SLCO3A1: variants seen among roughly 807,000 people sequenced by gnomAD.
The protein encoded by SLCO3A1 is PGE1 transporter.
In SLCO3A1, 27 loss-of-function variants were observed where a neutral mutation model predicts 63.1. The ratio of observed to expected loss-of-function variants is 0.43; its 90% CI spans 0.32 to 0.59. The LOEUF (loss-of-function observed/expected upper bound fraction) is 0.59. Among genes scored for constraint, SLCO3A1 ranks in the 20% least tolerant of loss-of-function variants. The pLI, the probability that SLCO3A1 is intolerant of heterozygous loss-of-function variation, is 0.09. For synonymous variants in SLCO3A1, 473 were observed against 409.9 expected, an observed-to-expected ratio of 1.15 and a Z score of -1.86; for missense variants, 773 against 945.8, an observed-to-expected ratio of 0.82 and a Z score of 2.40.
intron 1 of SLCO3A1, 105 bp from the exon 2 acceptor site, chr15:91,915,888 G>A (rs1898637492): frequency 1.1e-6 from 1 of 945,326 alleles, no homozygotes; most frequent in African/African-American, 1.7e-5. Flanking sequence ...AGGCCAGGTG[G>A]GAGGGTCCCG....
At chr15:92,103,913 G>A (rs62008635) in intron 3 of SLCO3A1, among the ~76,000 whole-genome samples, 42 of 152,064 alleles carry the variant, frequency 2.8e-4, no homozygotes, top group Admixed American at 2.6e-3. Flanking sequence ...GAATATACCC[G>A]GTGAAAATCT....
intron 2 of SLCO3A1, among the ~76,000 whole-genome samples, chr15:92,000,762 T>C (rs897937169): frequency 6.6e-6 from 1 of 152,254 alleles, no homozygotes; most frequent in East Asian, 1.9e-4. Context: ...GAGAACGTTC[T>C]CTTTAGGTCT....
intron 2 of SLCO3A1, among the ~76,000 whole-genome samples, chr15:92,053,913 C>T (rs896423065): frequency 1.3e-5 from 2 of 152,184 alleles, no homozygotes; most frequent in Non-Finnish European, 2.9e-5. Context: ...CAGGAAGTCA[C>T]GGTGTGCAGC....
At chr15:92,020,645 C>T in intron 2 of SLCO3A1, among the ~76,000 whole-genome samples, 1 of 152,212 alleles carries the variant, frequency 6.6e-6, no homozygotes, top group East Asian at 1.9e-4. Flanking sequence ...TGGCACCGTG[C>T]ATGCACCACC....
intron 2 of SLCO3A1, among the ~76,000 whole-genome samples, chr15:91,955,332 T>A (rs1900134569): frequency 6.9e-6 from 1 of 145,680 alleles, no homozygotes; most frequent in Non-Finnish European, 1.5e-5. Flanking sequence ...TGTCATTTTC[T>A]TTTTCTTTTT....
rs764080011 is a variant in SLCO3A1 at position 91,894,432 on chromosome 15, G to A, written c.181-21561G>A. 8.5e-5 allele frequency among the ~76,000 whole-genome samples: 13 copies of A among 152,126 alleles called. No individual in the cohort carries two copies. The highest frequency in any genetic ancestry group is 2.0e-4 in the Admixed American group (3 of 15,282). ...CATGGCAGGTGTGGTGGTATCTCAG[G>A]TGAGGGGTTGATGGTCGCCAGGTCA... On this transcript the variant is annotated intron_variant, in intron 1 of 9. Coordinates refer to ENST00000318445, the MANE Select transcript of SLCO3A1 (RefSeq NM_013272.4). The surrounding 1 kb of genome is among the most constrained non-coding windows in gnomAD (Gnocchi z 4.8).
intron 2 of SLCO3A1, among the ~76,000 whole-genome samples, chr15:91,930,972 T>C (rs528898346): frequency 3.9e-5 from 6 of 152,310 alleles, no homozygotes; most frequent in South Asian, 2.1e-4. Context: ...GCGAGTGTCA[T>C]GCAAAAGCCA....
chr15:92,023,878 T>C (rs1240200944), intron 2 of SLCO3A1, among the ~76,000 whole-genome samples: 3 of 152,226 alleles, frequency 2.0e-5, no homozygotes, highest in African/African-American at 7.2e-5. Context: ...ATCCTTACCC[T>C]AGAGGGCTTT....
Position 92,146,985 on chromosome 15 carries a change from A to C in SLCO3A1, c.1514A>C (p.Asn505Thr). 1 of 1,606,318 alleles carries C rather than the reference A, an allele frequency of 6.2e-7. No homozygotes were observed. Among genetic ancestry groups the C allele is most frequent in the Admixed American group, 1.7e-5 (1 of 58,346 alleles). The stretch of plus-strand genomic sequence containing the variant: ...AAGGGCTGAACGCTTCCCTTTCAGA[A>C]TCTCACGGGCTGTGCGTGCCTCACC... ...SACFAGCNSTNLTGCACLTTV... is the reference protein window; with the variant it reads ...SACFAGCNSTTLTGCACLTTV... Residue 505 changes from asparagine (N) to threonine (T), a missense_variant and splice_region_variant, in exon 8 of 10, where the codon AAT becomes ACT. Asn to Thr is a moderately conservative substitution (Grantham distance 65). Around this residue, in one of 3 missense-constraint regions of SLCO3A1, gnomAD observed 565 missense variants for 749.8 expected, o/e 0.75. Transcript: ENST00000318445.
At position 91,969,116 on chromosome 15, in the gene SLCO3A1, C is replaced by T. The variant is rs554736639; in HGVS notation, c.646+52658C>T. On this transcript the variant is annotated intron_variant, in intron 2 of 9. Transcript: ENST00000318445. ...CTTTGAGAGGTAAAGCTCATCTTTT[C>T]GTTGTATACAGCACATGTACAGAAA... is the stretch of plus-strand genomic sequence containing the variant. Among the ~76,000 whole-genome samples, 10 of 152,224 alleles carry T rather than the reference C, an allele frequency of 6.6e-5. No individual in the cohort carries two copies. In the East Asian group the frequency reaches 1.5e-3, roughly 24 times the overall value.
At chr15:92,038,573 C>G (rs2046755929) in intron 2 of SLCO3A1, among the ~76,000 whole-genome samples, 1 of 152,064 alleles carries the variant, frequency 6.6e-6, no homozygotes, top group Admixed American at 6.6e-5. Flanking sequence ...TCAAGGGGAG[C>G]TACAAACCAC....
At chr15:91,855,329 C>CA (rs1896889577) in intron 1 of SLCO3A1, among the ~76,000 whole-genome samples, 1 of 152,140 alleles carries the variant, frequency 6.6e-6, no homozygotes, top group Non-Finnish European at 1.5e-5. Context: ...ACAAGCAGTG[C>CA]TTGGTCTCCG....
intron 7 of SLCO3A1, among the ~76,000 whole-genome samples, chr15:92,135,291 C>G (rs934441130): frequency 6.6e-6 from 1 of 152,120 alleles, no homozygotes; most frequent in African/African-American, 2.4e-5. Flanking sequence ...TTCTGCTCCC[C>G]AAATAAAAAC....
At chr15:91,985,907 T>G (rs1302039781) in intron 2 of SLCO3A1, among the ~76,000 whole-genome samples, 1 of 151,914 alleles carries the variant, frequency 6.6e-6, no homozygotes, top group East Asian at 1.9e-4. Flanking sequence ...TACGTGTAGG[T>G]GGGGGAGGCC....
chr15:91,853,975 G>C lies in SLCO3A1; in HGVS notation c.67G>C (p.Ala23Pro). ...GAGCGGCGAGCTGCAGGGGGACGAGGCGCAGAGGAACAAGAAAAAGAAAAA... is the reference window on the plus strand; with the variant it reads ...GAGCGGCGAGCTGCAGGGGGACGAGCCGCAGAGGAACAAGAAAAAGAAAAA... ...GRSGELQGDEAQRNKKKKKKV... is the reference protein window; with the variant it reads ...GRSGELQGDEPQRNKKKKKKV... The change falls in exon 1 of 10, where the codon GCG (alanine) becomes CCG (proline). Residue 23 changes from alanine (A) to proline (P), a missense_variant. By Grantham distance (27) the Ala-to-Pro change is conservative (BLOSUM62 -1). Coordinates refer to ENST00000318445, the MANE Select transcript of SLCO3A1 (RefSeq NM_013272.4). 6.6e-7 allele frequency: 1 copy of C among 1,513,774 alleles called. No homozygotes were observed. 93.8% of individuals were successfully genotyped at this position (1,513,774 alleles called of 1,614,324 possible).
intron 2 of SLCO3A1, among the ~76,000 whole-genome samples, chr15:91,926,596 T>TGTGTGTGTGTGCGCGCGC: frequency 2.9e-4 from 31 of 105,314 alleles, no homozygotes; most frequent in African/African-American, 9.9e-4. Context: ...TGTGTGTGTG[T>TGTGTGTGTGTGCGCGCGC]GCGCGCGCGC....
intron 2 of SLCO3A1, among the ~76,000 whole-genome samples, chr15:91,964,124 G>T (rs909368756): frequency 5.3e-5 from 8 of 152,132 alleles, no homozygotes; most frequent in African/African-American, 1.9e-4. Flanking sequence ...CTCTCAGTAT[G>T]GGTGGGGAAC....
intron 7 of SLCO3A1, among the ~76,000 whole-genome samples, chr15:92,143,658 T>G (rs984826785): frequency 1.9e-4 from 28 of 146,750 alleles, no homozygotes; most frequent in African/African-American, 6.6e-4. Flanking sequence ...TGGTTTTTGT[T>G]AAGTTGGTGC....
intron 1 of SLCO3A1, among the ~76,000 whole-genome samples, chr15:91,898,473 C>A (rs1898065333): frequency 6.6e-6 from 1 of 152,190 alleles, no homozygotes; most frequent in Non-Finnish European, 1.5e-5. Flanking sequence ...AGGCCTGGCT[C>A]CATTATTATC....
Sources: allele counts gnomAD v4.1 joint callset (sites outside exome capture counted in the v4.1 genomes callset), GRCh38; gene constraint gnomAD v4.1.1; regional missense constraint gnomAD v4.1.1; non-coding constraint Gnocchi (gnomAD v3.1); transcripts MANE v1.5; gene names NCBI Gene and HGNC (gene_info 2026-07-23, HGNC 2026-07-21).